Variants in ASIC2 observed in about 807,000 individuals in gnomAD.
ASIC2 encodes the protein acid sensing ion channel subunit 2.
Under a neutral mutation model 57.3 loss-of-function variants are expected in ASIC2, and 25 were observed. That is an observed-to-expected ratio of 0.44 (90% CI 0.32 to 0.61). The LOEUF is 0.61. Ranked by LOEUF, ASIC2 falls within the 20% of genes least tolerant of loss-of-function variation. The pLI, the probability that ASIC2 is intolerant of heterozygous loss-of-function variation, is 0.06. For missense variants in ASIC2, 641 were observed against 738.1 expected (o/e 0.87, Z 1.52); for synonymous variants, 319 against 307.5 (o/e 1.04, Z -0.39).
At chr17:33,345,411 A>G (rs1462117710) in intron 1 of ASIC2, among the ~76,000 whole-genome samples, 1 of 152,204 alleles carries the variant, frequency 6.6e-6, no homozygotes, top group Non-Finnish European at 1.5e-5. Flanking sequence ...AATAAGTAAG[A>G]AAAATGTGAA....
chr17:33,746,254 A>T (rs1910254266), intron 1 of ASIC2, among the ~76,000 whole-genome samples: 1 of 151,116 alleles, frequency 6.6e-6, no homozygotes, highest in Non-Finnish European at 1.5e-5. Flanking sequence ...ATACATATAC[A>T]CATATATGTA....
rs140916357 is a variant in ASIC2, at chr17:33,804,178, G to A, written c.555+351800C>T. 1.4e-4 allele frequency among the ~76,000 whole-genome samples: 22 copies of A among 152,192 alleles called. No homozygotes were observed. The East Asian group carries it at 3.3e-3, about 23-fold the overall frequency. On this transcript the variant is annotated intron_variant, in intron 1 of 9. Coordinates refer to the ASIC2 transcript ENST00000359872. ...AACAAATGAGTCCAGCAAATGTGTCGGGGAGCTCCAGCTCTGCTTCACATT... is the reference window on the plus strand; with the variant it reads ...AACAAATGAGTCCAGCAAATGTGTCAGGGAGCTCCAGCTCTGCTTCACATT...
At position 33,104,202 on chromosome 17, in the gene ASIC2, T is replaced by TA. The variant is rs200537134; in HGVS notation, c.859+7714dup. ...TCCTTTGGGTTTATACTTACATATA[T>TA]AAAAAAAACCCTTCGATTGCCATTT... is the stretch of plus-strand genomic sequence containing the variant. On this transcript the variant is annotated intron_variant, in intron 2 of 9. Coordinates refer to ENST00000225823, the MANE Select transcript of ASIC2 (RefSeq NM_183377.2). 4.2e-3 allele frequency among the ~76,000 whole-genome samples: 640 copies of TA among 152,040 alleles called. 6 individuals are homozygous for TA. The highest frequency in any genetic ancestry group is 0.014 in the African/African-American group (576 of 41,460).
intron 1 of ASIC2, among the ~76,000 whole-genome samples, chr17:34,139,711 A>G (rs1359489635): frequency 2.0e-5 from 3 of 152,208 alleles, no homozygotes; most frequent in Non-Finnish European, 2.9e-5. Context: ...GGGAAAATCT[A>G]TAGAGACAGA....
intron 1 of ASIC2, among the ~76,000 whole-genome samples, chr17:33,363,445 A>C (rs947044958): frequency 6.6e-6 from 1 of 152,362 alleles, no homozygotes; most frequent in East Asian, 1.9e-4. Flanking sequence ...TATAAAACTG[A>C]GGTGACTCAT....
intron 2 of ASIC2, among the ~76,000 whole-genome samples, chr17:33,092,549 A>G (rs1701394891): frequency 6.6e-6 from 1 of 152,242 alleles, no homozygotes; most frequent in Admixed American, 6.5e-5. Flanking sequence ...TGGAGTGGAG[A>G]GCAGGAATCT....
At chr17:33,565,772 A>G (rs1916215359) in intron 1 of ASIC2, 1 of 152,238 alleles carries the variant, frequency 6.6e-6, no homozygotes, top group South Asian at 2.1e-4. Flanking sequence ...TCATAAGAAG[A>G]GAGCTTCTCT....
intron 1 of ASIC2, among the ~76,000 whole-genome samples, chr17:33,841,663 G>A (rs1352835638): frequency 6.6e-6 from 1 of 152,168 alleles, no homozygotes; most frequent in Non-Finnish European, 1.5e-5. Flanking sequence ...AAGCTCCAGG[G>A]GTTATCTTCA....
At chr17:33,223,868 G>C (rs9909547) in intron 1 of ASIC2, among the ~76,000 whole-genome samples, 1 of 152,016 alleles carries the variant, frequency 6.6e-6, no homozygotes, top group Non-Finnish European at 1.5e-5. Context: ...GGATCACAGA[G>C]AGTAGAGACC....
chr17:33,807,715 C>T (rs1391226846), intron 1 of ASIC2, among the ~76,000 whole-genome samples: 2 of 152,220 alleles, frequency 1.3e-5, no homozygotes, highest in African/African-American at 4.8e-5. Context: ...TACTTTTAAA[C>T]CTGCAAATCC....
chr17:33,241,817 G>A (rs1908516494), intron 1 of ASIC2, among the ~76,000 whole-genome samples: 1 of 152,156 alleles, frequency 6.6e-6, no homozygotes, highest in Non-Finnish European at 1.5e-5. Context: ...ACCAAGCTGG[G>A]GAGACACAGC....
intron 1 of ASIC2, among the ~76,000 whole-genome samples, chr17:33,800,487 A>G (rs1009959625): frequency 1.3e-5 from 2 of 152,216 alleles, no homozygotes; most frequent in African/African-American, 4.8e-5. Flanking sequence ...GAGATGAGAA[A>G]TAACCCTTTC....
At chr17:33,179,615 T>A (rs1381136692) in intron 1 of ASIC2, among the ~76,000 whole-genome samples, 1 of 152,214 alleles carries the variant, frequency 6.6e-6, no homozygotes, top group African/African-American at 2.4e-5. Flanking sequence ...CTGGGCTATA[T>A]CCTACATTAT....
intron 1 of ASIC2, among the ~76,000 whole-genome samples, chr17:34,129,867 G>A (rs1174578856): frequency 6.6e-6 from 1 of 152,108 alleles, no homozygotes; most frequent in Non-Finnish European, 1.5e-5. Flanking sequence ...CAGAACAAAG[G>A]CTAAAGCTAT....
chr17:33,018,140 C>T (rs557442389), intron 7 of ASIC2, among the ~76,000 whole-genome samples: 7 of 152,212 alleles, frequency 4.6e-5, no homozygotes, highest in Non-Finnish European at 8.8e-5. Context: ...GGGCACCTCC[C>T]ACCCTTGGGA....
At chr17:33,966,681 G>A (rs571027938) in intron 1 of ASIC2, among the ~76,000 whole-genome samples, 36 of 152,274 alleles carry the variant, frequency 2.4e-4, no homozygotes, top group African/African-American at 7.9e-4. Flanking sequence ...TACAGATGAA[G>A]AGATTAAGGA....
At chr17:33,679,956 T>C (rs971276360) in intron 1 of ASIC2, among the ~76,000 whole-genome samples, 1 of 151,816 alleles carries the variant, frequency 6.6e-6, no homozygotes, top group African/African-American at 2.4e-5. Flanking sequence ...GTGAGGACGG[T>C]ATTATTATTT....
At chr17:33,720,094 G>C (rs144052824) in intron 1 of ASIC2, among the ~76,000 whole-genome samples, 2 of 152,248 alleles carry the variant, frequency 1.3e-5, no homozygotes, top group East Asian at 3.9e-4. Flanking sequence ...ATCTTGCCAA[G>C]GTCTCAAACT....
At chr17:33,906,420 C>G (rs184278574) in intron 1 of ASIC2, among the ~76,000 whole-genome samples, 21 of 152,322 alleles carry the variant, frequency 1.4e-4, no homozygotes, top group African/African-American at 5.1e-4. Context: ...TTGGGCCTAT[C>G]TTCAATGCTG....
Sources: gnomAD v4.1 joint callset for allele counts (sites outside exome capture counted in the v4.1 genomes callset) on GRCh38, gnomAD v4.1.1 for gene constraint, MANE v1.5 for transcripts, NCBI Gene and HGNC (gene_info 2026-07-23, HGNC 2026-07-21) for gene names.